CDH7: variants seen among roughly 807,000 people sequenced by gnomAD.
The protein encoded by CDH7 is cadherin 7, also known as cadherin-7.
A neutral mutation model predicts 71.8 loss-of-function variants in CDH7; 25 were observed. The ratio of observed to expected loss-of-function variants is 0.35; its 90% CI spans 0.25 to 0.49. CDH7 has a LOEUF of 0.49. Ranked by LOEUF, CDH7 falls within the 20% of genes least tolerant of loss-of-function variation. The probability of loss-of-function intolerance (pLI) is 0.99; values close to 1 mark genes in which losing one functional copy is unlikely to be tolerated. For missense variants in CDH7, 862 were observed against 974.6 expected (o/e 0.88, Z 1.54); for synonymous variants, 381 against 363.8 (o/e 1.05, Z -0.54).
At chr18:65,782,475 T>C (rs1276431898) in intron 2 of CDH7, among the ~76,000 whole-genome samples, 1 of 152,068 alleles carries the variant, frequency 6.6e-6, no homozygotes, top group African/African-American at 2.4e-5. Context: ...TATTTGTAGA[T>C]AGAAGTGGAA....
chr18:65,802,197 T>A (rs1335776914), intron 2 of CDH7, among the ~76,000 whole-genome samples: 2 of 152,040 alleles, frequency 1.3e-5, no homozygotes, highest in Non-Finnish European at 2.9e-5. Flanking sequence ...GGCTAAGGGG[T>A]TTTTTGTTGT....
intron 7 of CDH7, among the ~76,000 whole-genome samples, chr18:65,855,723 G>A (rs1398173938): frequency 6.6e-6 from 1 of 152,020 alleles, no homozygotes; most frequent in Admixed American, 6.6e-5. Flanking sequence ...TGAGAAGAGG[G>A]AATGCATCCC....
intron 2 of CDH7, among the ~76,000 whole-genome samples, chr18:65,780,829 G>T (rs1910153809): frequency 6.6e-6 from 1 of 151,984 alleles, no homozygotes; most frequent in Non-Finnish European, 1.5e-5. Context: ...GGAAAAACAA[G>T]GGTAGGGTTG....
intron 2 of CDH7, among the ~76,000 whole-genome samples, chr18:65,777,160 A>C (rs1909978176): frequency 6.6e-6 from 1 of 152,168 alleles, no homozygotes; most frequent in African/African-American, 2.4e-5. Flanking sequence ...CACAAATTAA[A>C]TAAAATGAAA....
intron 2 of CDH7, among the ~76,000 whole-genome samples, chr18:65,795,387 A>G (rs1338954589): frequency 6.6e-6 from 1 of 152,160 alleles, no homozygotes; most frequent in Non-Finnish European, 1.5e-5. Context: ...TATGCCCTCT[A>G]GGAATGTTTC....
At chr18:65,866,746 T>C (rs946181823) in intron 11 of CDH7, among the ~76,000 whole-genome samples, 5 of 152,306 alleles carry the variant, frequency 3.3e-5, no homozygotes, top group Admixed American at 3.3e-4. Context: ...TCCGAAGTTG[T>C]ATTTGTCAGT....
intron 3 of CDH7, among the ~76,000 whole-genome samples, chr18:65,811,099 T>A (rs538932996): frequency 6.6e-6 from 1 of 152,244 alleles, no homozygotes; most frequent in Admixed American, 6.5e-5. Flanking sequence ...TATATTTATT[T>A]CCTGCTGTTT....
intron 1 of CDH7, among the ~76,000 whole-genome samples, chr18:65,756,953 G>T (rs1030364412): frequency 1.3e-5 from 2 of 151,904 alleles, no homozygotes; most frequent in Admixed American, 1.3e-4. Context: ...ATGTATACTT[G>T]TTATGTTTTT....
chr18:65,792,846 A>G (rs1187536459), intron 2 of CDH7, among the ~76,000 whole-genome samples: 4 of 152,156 alleles, frequency 2.6e-5, no homozygotes, highest in Non-Finnish European at 5.9e-5. Flanking sequence ...TTTAAAAATC[A>G]TTATTAAAGA....
intron 10 of CDH7, 45 bp from the exon 11 acceptor site, chr18:65,862,621 T>G (rs1913606363): frequency 6.3e-7 from 1 of 1,587,326 alleles, no homozygotes; most frequent in Non-Finnish European, 8.6e-7. Flanking sequence ...GGAAGACTGA[T>G]TCCATCAGAA....
At chr18:65,879,793 T>C (rs1444585922) in intron 11 of CDH7, among the ~76,000 whole-genome samples, 2 of 152,172 alleles carry the variant, frequency 1.3e-5, no homozygotes, top group Non-Finnish European at 2.9e-5. Flanking sequence ...ATTCTGTCTG[T>C]AGGTATAATG....
intron 2 of CDH7, among the ~76,000 whole-genome samples, chr18:65,782,234 T>G (rs925268357): frequency 6.6e-6 from 1 of 150,758 alleles, no homozygotes; most frequent in Non-Finnish European, 1.5e-5. Flanking sequence ...TGGCACCGTC[T>G]AGGCTCACTG....
chr18:65,855,536 C>A (rs1174177926), intron 7 of CDH7, among the ~76,000 whole-genome samples: 2 of 151,950 alleles, frequency 1.3e-5, no homozygotes, highest in African/African-American at 4.8e-5. Context: ...TGTAAACTCT[C>A]AAAACTCACT....
At position 65,843,764 on chromosome 18, in the gene CDH7, C is replaced by T. The variant is rs2143990389; in HGVS notation, c.982-48C>T. The T allele has an allele frequency of 7.6e-6, 11 of 1,451,318 alleles. No individual in the cohort carries two copies. In the South Asian group the frequency reaches 9.1e-5, roughly 12 times the overall value. 89.9% of individuals were successfully genotyped at this position (1,451,318 alleles called of 1,614,324 possible). ...TCATAAATGAAAAGGCTCTGCTTTG[C>T]TGACTGTTTAACCGGTAATTTAATT... On this transcript the variant is annotated intron_variant, in intron 6 of 11. Coordinates refer to ENST00000397968, the MANE Select transcript of CDH7 (RefSeq NM_004361.5).
At chr18:65,812,017 A>G (rs7236334) in intron 3 of CDH7, among the ~76,000 whole-genome samples, 132,681 of 137,894 alleles carry the variant, frequency 0.96, 64,040 homozygotes, top group Non-Finnish European at 1. Context: ...TTGACAGGCT[A>G]GAGTGCAGTG....
intron 2 of CDH7, among the ~76,000 whole-genome samples, chr18:65,769,827 A>G (rs891995299): frequency 6.6e-6 from 1 of 152,182 alleles, no homozygotes; most frequent in Non-Finnish European, 1.5e-5. Flanking sequence ...GACAGAAGTG[A>G]TGCTTTTCCC....
At chr18:65,778,044 G>A (rs894126385) in intron 2 of CDH7, among the ~76,000 whole-genome samples, 4 of 152,006 alleles carry the variant, frequency 2.6e-5, no homozygotes, top group East Asian at 3.9e-4. Flanking sequence ...AAGCCGAGGC[G>A]GGTGGATCAT....
At chr18:65,799,990 A>C (rs17075222) in intron 2 of CDH7, among the ~76,000 whole-genome samples, 12,225 of 152,292 alleles carry the variant, frequency 0.08, 764 homozygotes, top group African/African-American at 0.17. Flanking sequence ...ATTTTTAGTT[A>C]CAGAAAGGAC....
chr18:65,772,683 C>T (rs1468908327), intron 2 of CDH7, among the ~76,000 whole-genome samples: 1 of 152,120 alleles, frequency 6.6e-6, no homozygotes, highest in African/African-American at 2.4e-5. Context: ...CACTATAGGA[C>T]ATAGACACAA....
Sources: gnomAD v4.1 joint callset for allele counts (sites outside exome capture counted in the v4.1 genomes callset) on GRCh38, gnomAD v4.1.1 for gene constraint, MANE v1.5 for transcripts, NCBI Gene and HGNC (gene_info 2026-07-23, HGNC 2026-07-21) for gene names.